The following FRMD5 variants were observed in gnomAD, a reference collection of about 807,000 sequenced individuals.
FRMD5 encodes the protein FERM domain-containing protein 5.
A neutral mutation model predicts 69.0 loss-of-function variants in FRMD5; 20 were observed. The ratio of observed to expected loss-of-function variants is 0.29; its 90% CI spans 0.20 to 0.42. FRMD5 has a LOEUF of 0.42. Ranked by LOEUF, FRMD5 falls within the 10% of genes least tolerant of loss-of-function variation. The probability of loss-of-function intolerance (pLI) is 1.00; values close to 1 mark genes in which losing one functional copy is unlikely to be tolerated. For missense variants in FRMD5, 595 were observed against 708.6 expected (o/e 0.84, Z 1.82); for synonymous variants, 271 against 260.1 (o/e 1.04, Z -0.40).
At chr15:44,056,042 T>C (rs1278762798) in intron 1 of FRMD5, among the ~76,000 whole-genome samples, 1 of 152,236 alleles carries the variant, frequency 6.6e-6, no homozygotes, top group African/African-American at 2.4e-5. Context: ...AATCAACATA[T>C]GATTCTCTCT....
intron 1 of FRMD5, among the ~76,000 whole-genome samples, chr15:44,111,929 C>T (rs1365543005): frequency 6.6e-6 from 1 of 151,994 alleles, no homozygotes. Flanking sequence ...CGGCAACCTC[C>T]GCCTCCCGGG....
At chr15:44,091,435 A>T (rs1044728702) in intron 1 of FRMD5, among the ~76,000 whole-genome samples, 3 of 152,202 alleles carry the variant, frequency 2.0e-5, no homozygotes, top group African/African-American at 7.2e-5. Context: ...AACATAAAAC[A>T]TAACTTATAA....
At chr15:44,109,508 T>G (rs1436963335) in intron 1 of FRMD5, among the ~76,000 whole-genome samples, 2 of 151,934 alleles carry the variant, frequency 1.3e-5, no homozygotes, top group Non-Finnish European at 2.9e-5. Flanking sequence ...CAATTTGGGG[T>G]TCACAGCAGA....
At chr15:43,989,132 G>A in intron 1 of FRMD5, 1 of 992,270 alleles carries the variant, frequency 1.0e-6, no homozygotes, top group South Asian at 1.3e-5. Context: ...CACATCTGCT[G>A]GACGGTGGAC....
intron 1 of FRMD5, among the ~76,000 whole-genome samples, chr15:44,140,553 CATT>C (rs948629696): frequency 1.3e-5 from 2 of 151,894 alleles, no homozygotes; most frequent in Admixed American, 6.6e-5. Flanking sequence ...TCAAAAATGT[CATT>C]ATTTGCATGC....
intron 7 of FRMD5, among the ~76,000 whole-genome samples, chr15:43,896,191 G>T (rs1421290544): frequency 2.6e-5 from 4 of 152,158 alleles, no homozygotes; most frequent in Non-Finnish European, 4.4e-5. Flanking sequence ...GGTAACAGTC[G>T]AAATAATCTA....
chr15:44,052,786 GC>G (rs1039727021), intron 1 of FRMD5, among the ~76,000 whole-genome samples: 11 of 152,112 alleles, frequency 7.2e-5, no homozygotes, highest in Non-Finnish European at 1.6e-4. Flanking sequence ...GAATGTTAGA[GC>G]CAGAAAGGGC....
At chr15:44,066,846 G>C (rs570597383) in intron 1 of FRMD5, among the ~76,000 whole-genome samples, 2 of 152,216 alleles carry the variant, frequency 1.3e-5, no homozygotes, top group African/African-American at 4.8e-5. Context: ...TAAAGGGAAG[G>C]AGTCAGAGAG....
At chr15:43,949,630 G>C (rs968562539) in intron 1 of FRMD5, among the ~76,000 whole-genome samples, 1 of 152,206 alleles carries the variant, frequency 6.6e-6, no homozygotes, top group South Asian at 2.1e-4. Context: ...TACGACACTA[G>C]AGTTGTTGCA....
chr15:43,906,802 C>G (rs201809076), intron 5 of FRMD5, among the ~76,000 whole-genome samples: 3 of 142,822 alleles, frequency 2.1e-5, no homozygotes, highest in East Asian at 4.0e-4. Context: ...GGGGTTTCAC[C>G]GTGTTAGCCA....
chr15:43,893,997 G>T (rs539498844), intron 7 of FRMD5, among the ~76,000 whole-genome samples: 1 of 152,314 alleles, frequency 6.6e-6, no homozygotes, highest in Non-Finnish European at 1.5e-5. Flanking sequence ...GGTCTGTCAT[G>T]ATCCAGACAC....
At chr15:44,022,858 G>A (rs570202489) in intron 1 of FRMD5, among the ~76,000 whole-genome samples, 2 of 152,140 alleles carry the variant, frequency 1.3e-5, no homozygotes, top group Admixed American at 6.5e-5. Flanking sequence ...GCTGCATACC[G>A]TTTTTCATAT....
chr15:43,909,250 A>T (rs992054949), intron 5 of FRMD5, among the ~76,000 whole-genome samples: 13 of 151,694 alleles, frequency 8.6e-5, no homozygotes, highest in African/African-American at 3.1e-4. Context: ...CAAAAAAAAA[A>T]TTAGCTGGGC....
intron 1 of FRMD5, among the ~76,000 whole-genome samples, chr15:44,097,187 T>C (rs1424912620): frequency 1.3e-5 from 2 of 152,220 alleles, no homozygotes; most frequent in African/African-American, 4.8e-5. Context: ...CACTTTGTTC[T>C]CTGAAATAAA....
At chr15:44,096,351 C>T (rs2076552722) in intron 1 of FRMD5, among the ~76,000 whole-genome samples, 1 of 151,624 alleles carries the variant, frequency 6.6e-6, no homozygotes, top group African/African-American at 2.4e-5. Flanking sequence ...ATTTAACAAC[C>T]TAAAACAAAT....
upstream of FRMD5, among the ~76,000 whole-genome samples, chr15:44,196,228 G>A (rs2078294396): frequency 6.6e-6 from 1 of 152,158 alleles, no homozygotes; most frequent in African/African-American, 2.4e-5. Flanking sequence ...TTGGGAGGCC[G>A]AGGCGGGCGG....
rs75320801 is a variant in FRMD5, at chr15:44,108,797, C to T, written c.102+86156G>A. ...TGACCAACACAGTGAGACACCTCTA[C>T]CAGTAATTTAAAAATTAGCCGGGCA... On this transcript the variant is annotated intron_variant, in intron 1 of 13. Transcript: ENST00000417257. 8.6e-3 allele frequency among the ~76,000 whole-genome samples: 1,299 copies of T among 151,928 alleles called. 6 individuals carry two copies. The highest frequency in any genetic ancestry group is 0.014 in the Admixed American group (213 of 15,236).
chr15:43,878,932 C>CTT (rs71421808), intron 13 of FRMD5, among the ~76,000 whole-genome samples: 61 of 112,890 alleles, frequency 5.4e-4, no homozygotes, highest in Middle Eastern at 5.1e-3. Context: ...TTTTTCTTTT[C>CTT]TTTTTTTTTT....
At chr15:44,190,061 A>C (rs1436490241) in intron 1 of FRMD5, among the ~76,000 whole-genome samples, 1 of 152,220 alleles carries the variant, frequency 6.6e-6, no homozygotes, top group Non-Finnish European at 1.5e-5. Context: ...CCAGGAAAGC[A>C]GCACTGTCCT....
Sources: allele counts gnomAD v4.1 joint callset (sites outside exome capture counted in the v4.1 genomes callset), GRCh38; gene constraint gnomAD v4.1.1; transcripts MANE v1.5; gene names NCBI Gene and HGNC (gene_info 2026-07-23, HGNC 2026-07-21).